Variants in ELL observed in about 807,000 individuals in gnomAD.
The protein encoded by ELL is RNA polymerase II elongation factor ELL.
ELL carries 18 observed loss-of-function variants against 64.0 expected under a neutral mutation model. The ratio of observed to expected loss-of-function variants is 0.28; its 90% CI spans 0.19 to 0.42. The LOEUF is 0.42. Among genes scored for constraint, ELL ranks in the 10% least tolerant of loss-of-function variants. The probability of loss-of-function intolerance (pLI) is 1.00; values close to 1 mark genes in which losing one functional copy is unlikely to be tolerated. For synonymous variants in ELL, 399 were observed against 376.2 expected, an observed-to-expected ratio of 1.06 and a Z score of -0.70; for missense variants, 797 against 870.4, an observed-to-expected ratio of 0.92 and a Z score of 1.06.
At chr19:18,465,297 G>T in intron 4 of ELL, 115 bp downstream of exon 4, 1 of 1,394,178 alleles carries the variant, frequency 7.2e-7, no homozygotes, top group Non-Finnish European at 9.5e-7. Flanking sequence ...CTCCTCGGTT[G>T]ACCCATCATT....
chr19:18,450,142 T>A (rs1974490257), intron 8 of ELL, among the ~76,000 whole-genome samples: 1 of 152,226 alleles, frequency 6.6e-6, no homozygotes, highest in South Asian at 2.1e-4. Flanking sequence ...TTCCCTGCAG[T>A]CAGAGCTGGG....
chr19:18,456,128 AGAG>A (rs1974670052), intron 6 of ELL, among the ~76,000 whole-genome samples: 1 of 151,880 alleles, frequency 6.6e-6, no homozygotes, highest in Non-Finnish European at 1.5e-5. Flanking sequence ...AAAACCAGGA[AGAG>A]GAGGACAGAC....
Position 18,465,668 on chromosome 19 carries a change from G to A in ELL, c.306-93C>T, listed in dbSNP as rs1053420951. The A allele has an allele frequency of 2.7e-6, 4 of 1,483,806 alleles. No homozygotes were observed. In the African/African-American group the frequency reaches 5.7e-5, roughly 21 times the overall value. The allele number at this position is 1,483,806 out of a possible 1,614,324, so 91.9% of individuals were successfully genotyped here. ...AAGCCCCCAGCCCACCACCTGGCCT[G>A]GAAAATGGACTCTGTCAACACCATC... On this transcript the variant is annotated intron_variant, in intron 3 of 11. Coordinates refer to ENST00000262809, the MANE Select transcript of ELL (RefSeq NM_006532.4).
intron 1 of ELL, among the ~76,000 whole-genome samples, chr19:18,475,107 G>A (rs1452488696): frequency 1.3e-5 from 2 of 152,166 alleles, no homozygotes; most frequent in Non-Finnish European, 2.9e-5. Flanking sequence ...CTGGGCAACA[G>A]AGTGAGATCC....
intron 1 of ELL, among the ~76,000 whole-genome samples, chr19:18,512,516 G>A (rs1411163630): frequency 6.6e-6 from 1 of 152,114 alleles, no homozygotes; most frequent in Non-Finnish European, 1.5e-5. Context: ...ATGGGTGTCT[G>A]TAGTACCAGC....
intron 2 of ELL, among the ~76,000 whole-genome samples, chr19:18,471,937 A>T (rs1975072630): frequency 6.6e-6 from 1 of 151,876 alleles, no homozygotes. Context: ...GGCACCAGCG[A>T]CTAGTTTCGT....
At chr19:18,444,906 C>T in intron 11 of ELL, 38 bp from the exon 12 acceptor site, 2 of 1,580,552 alleles carry the variant, frequency 1.3e-6, no homozygotes, top group Non-Finnish European at 8.6e-7. Flanking sequence ...ACAGAGCCGC[C>T]CTGGGTGCTG....
chr19:18,492,472 G>GACAGC (rs1455303080), intron 1 of ELL, among the ~76,000 whole-genome samples: 2 of 152,208 alleles, frequency 1.3e-5, no homozygotes, highest in Admixed American at 1.3e-4. Context: ...CTGTGCCTCT[G>GACAGC]ACGTGCTGTT....
At chr19:18,472,926 A>G (rs779142073) in intron 1 of ELL, 44 bp from the exon 2 acceptor site, 1 of 1,539,240 alleles carries the variant, frequency 6.5e-7, no homozygotes, top group South Asian at 1.2e-5. Context: ...GGGAACATCA[A>G]TAAAGACATT....
intron 6 of ELL, among the ~76,000 whole-genome samples, chr19:18,455,794 A>C (rs1226729914): frequency 6.6e-6 from 1 of 151,236 alleles, no homozygotes; most frequent in Admixed American, 6.6e-5. Context: ...AAGGAGAATA[A>C]AAAAGAGCAA....
intron 10 of ELL, 162 bp from the exon 11 acceptor site, chr19:18,445,430 C>CG (rs1223380233): frequency 2.9e-6 from 2 of 690,930 alleles, no homozygotes; most frequent in Non-Finnish European, 5.0e-6. Flanking sequence ...GCTGTAGCTC[C>CG]GGAGTGGGTG....
rs745508005 is a variant in ELL, at chr19:18,446,411, G to A, written c.1602C>T (p.Ser534=). 7.4e-6 allele frequency: 12 copies of A among 1,612,606 alleles called. No individual in the cohort carries two copies. The highest frequency in any genetic ancestry group is 2.2e-5 in the East Asian group (1 of 44,878). The change falls in exon 10 of 12, where the codon AGC becomes AGT. Residue 534 remains serine, a synonymous_variant. Coordinates refer to ENST00000262809, the MANE Select transcript of ELL (RefSeq NM_006532.4). ...TGCGGGCGTGCAGGTCGCGGTACTC[G>A]CTGTACTCGGCATTGAAGTCGTTCT... ...SYKNDFNAEY[S]EYRDLHARIE...
At position 18,501,572 on chromosome 19, in the gene ELL, G is replaced by A. The variant is rs534041848; in HGVS notation, c.135+20349C>T. 2.0e-5 allele frequency among the ~76,000 whole-genome samples: 3 copies of A among 152,286 alleles called. No homozygotes were observed. The highest frequency in any genetic ancestry group is 1.9e-4 in the East Asian group (1 of 5,166). On this transcript the variant is annotated intron_variant, in intron 1 of 11. Coordinates refer to ENST00000262809, the MANE Select transcript of ELL (RefSeq NM_006532.4). This position sits in a 1 kb window ranked among gnomAD's most constrained non-coding sequence, Gnocchi z 4.5. ...CGGCACAGCCAGCTCAGAGCCAGGCGGATGAGACGGGGGCCAAGCCAGGGG... is the reference window on the plus strand; with the variant it reads ...CGGCACAGCCAGCTCAGAGCCAGGCAGATGAGACGGGGGCCAAGCCAGGGG...
intron 1 of ELL, among the ~76,000 whole-genome samples, chr19:18,493,641 G>A (rs1416275592): frequency 6.6e-6 from 1 of 152,248 alleles, no homozygotes; most frequent in East Asian, 1.9e-4. Context: ...CAGACGCCTG[G>A]AAGGGAGGCG....
chr19:18,469,526 T>G (rs911453693), intron 2 of ELL, among the ~76,000 whole-genome samples: 3 of 152,222 alleles, frequency 2.0e-5, no homozygotes, highest in African/African-American at 7.2e-5. Flanking sequence ...ATGGGCCCAG[T>G]GACCCACGTA....
intron 10 of ELL, 55 bp from the exon 11 acceptor site, chr19:18,445,323 C>G: frequency 6.3e-7 from 1 of 1,594,862 alleles, no homozygotes; most frequent in Non-Finnish European, 8.6e-7. Flanking sequence ...CTACAGGAAA[C>G]CCAAATTGAG....
chr19:18,484,621 CAG>C (rs1975373362), intron 1 of ELL, among the ~76,000 whole-genome samples: 1 of 152,146 alleles, frequency 6.6e-6, no homozygotes, highest in East Asian at 1.9e-4. Flanking sequence ...GCAGGGGTGA[CAG>C]AGAGAGATAC....
intron 3 of ELL, 60 bp downstream of exon 3, chr19:18,465,736 CA>C: frequency 7.0e-7 from 1 of 1,429,480 alleles, no homozygotes; most frequent in African/African-American, 1.5e-5. Context: ...AACCCTGGGC[CA>C]GAGGTGGCAG....
At chr19:18,513,082 C>A (rs1460435293) in intron 1 of ELL, among the ~76,000 whole-genome samples, 1 of 152,150 alleles carries the variant, frequency 6.6e-6, no homozygotes, top group Admixed American at 6.5e-5. Context: ...CTGACCACAG[C>A]CCTCCATCAC....
Sources: gnomAD v4.1 joint callset for allele counts (sites outside exome capture counted in the v4.1 genomes callset) on GRCh38, gnomAD v4.1.1 for gene constraint, Gnocchi (gnomAD v3.1) non-coding constraint, MANE v1.5 for transcripts, NCBI Gene and HGNC (gene_info 2026-07-23, HGNC 2026-07-21) for gene names.